Variants in IKZF2 observed in about 807,000 individuals in gnomAD.
IKZF2 encodes the protein zinc finger protein Helios.
Under a neutral mutation model 49.2 loss-of-function variants are expected in IKZF2, and 15 were observed. The ratio of observed to expected loss-of-function variants is 0.30; its 90% confidence interval spans 0.20 to 0.47. The LOEUF is 0.47. Ranked by LOEUF, IKZF2 falls within the 20% of genes least tolerant of loss-of-function variation. IKZF2 has a pLI of 1.00. For synonymous variants in IKZF2, 227 were observed against 221.4 expected (o/e 1.03, Z -0.23); for missense variants, 567 against 664.6 (o/e 0.85, Z 1.61).
In IKZF2 at chr2:213,049,807, C is replaced by T. The variant is rs1362628250; in HGVS notation, c.480G>A (p.Lys160=). The change falls in exon 6 of 9, where the codon AAG becomes AAA. Residue 160 remains lysine (K), a synonymous_variant. Transcript: ENST00000434687. ...TGAACGGCTTCTCTCCAGAGTGTAA[C>T]TTTATGTGTCTCAGAAGGTTGCCCT... The part of the protein sequence containing the change: ...TQKGNLLRHI[K]LHSGEKPFKC... 7 of 1,610,274 alleles carry T rather than the reference C, an allele frequency of 4.3e-6. No individual in the cohort carries two copies. The African/African-American group carries it at 9.4e-5, about 22-fold the overall frequency.
intron 4 of IKZF2, among the ~76,000 whole-genome samples, chr2:213,090,430 A>G (rs1205650114): frequency 6.6e-6 from 1 of 152,176 alleles, no homozygotes; most frequent in Non-Finnish European, 1.5e-5. Context: ...GACTAAACAA[A>G]CATGGTCTTT....
At chr2:213,069,091 A>G (rs1702438055) in intron 4 of IKZF2, among the ~76,000 whole-genome samples, 1 of 152,134 alleles carries the variant, frequency 6.6e-6, no homozygotes, top group Non-Finnish European at 1.5e-5. Context: ...GAACCCTGCC[A>G]TTATGTATGG....
chr2:213,094,368 A>G (rs1331734983), intron 4 of IKZF2, among the ~76,000 whole-genome samples: 1 of 152,142 alleles, frequency 6.6e-6, no homozygotes, highest in Non-Finnish European at 1.5e-5. Flanking sequence ...ATAAACTGGC[A>G]ACAGCAGAGA....
chr2:213,012,230 AT>A (rs2125042451), intron 8 of IKZF2, among the ~76,000 whole-genome samples: 1 of 151,930 alleles, frequency 6.6e-6, no homozygotes, highest in Non-Finnish European at 1.5e-5. Context: ...TTAATTAAAA[AT>A]ATAATATAAA....
Position 213,145,231 on chromosome 2 carries a change from T to C in IKZF2, c.139+2477A>G, listed in dbSNP as rs568750716. The stretch of plus-strand genomic sequence containing the variant: ...TTTAACTGTTTAAAAATAACTTTTT[T>C]CCTCCTTACACATATATTCCCATCC... On this transcript the variant is annotated intron_variant, in intron 4 of 8. Coordinates refer to ENST00000434687, the MANE Select transcript of IKZF2 (RefSeq NM_001387220.1). 7.9e-5 allele frequency among the ~76,000 whole-genome samples: 12 copies of C among 151,912 alleles called. No homozygotes were observed. The South Asian group carries it at 2.5e-3, about 32-fold the overall frequency.
chr2:213,150,653 C>G (rs939737091), intron 1 of IKZF2, among the ~76,000 whole-genome samples: 1 of 130,242 alleles, frequency 7.7e-6, no homozygotes, highest in Non-Finnish European at 1.5e-5. Flanking sequence ...CTTGATCCAC[C>G]GGTTCCTTAA....
chr2:213,009,008 A>G (rs1695651802), intron 8 of IKZF2, among the ~76,000 whole-genome samples: 1 of 152,142 alleles, frequency 6.6e-6, no homozygotes, highest in Non-Finnish European at 1.5e-5. Flanking sequence ...GAGTTATTTC[A>G]AAAAGTATTT....
intron 4 of IKZF2, among the ~76,000 whole-genome samples, chr2:213,082,622 T>C (rs776907886): frequency 3.1e-4 from 47 of 152,222 alleles, no homozygotes; most frequent in Non-Finnish European, 6.0e-4. Context: ...ATCATTCAAA[T>C]TACTCAAGGC....
At chr2:213,150,290 TC>T in intron 1 of IKZF2, 43 bp from the exon 2 acceptor site, 1 of 737,968 alleles carries the variant, frequency 1.4e-6, no homozygotes, top group Non-Finnish European at 2.1e-6. Context: ...TTTTTGTGTT[TC>T]CCCCTTCTCT....
chr2:213,046,242 C>G (rs924766036), intron 6 of IKZF2, among the ~76,000 whole-genome samples: 1 of 152,130 alleles, frequency 6.6e-6, no homozygotes, highest in African/African-American at 2.4e-5. Flanking sequence ...AAAATGTACA[C>G]AACAGCATTT....
intron 4 of IKZF2, among the ~76,000 whole-genome samples, chr2:213,124,143 T>C (rs1432486093): frequency 6.6e-6 from 1 of 152,110 alleles, no homozygotes; most frequent in East Asian, 1.9e-4. Context: ...TTGTTCTAAA[T>C]GACCTTTGGG....
chr2:213,058,531 C>T (rs1701381736), intron 4 of IKZF2, among the ~76,000 whole-genome samples: 1 of 151,282 alleles, frequency 6.6e-6, no homozygotes, highest in Non-Finnish European at 1.5e-5. Flanking sequence ...ACTTATGGTA[C>T]ATAAACTACT....
chr2:213,142,296 A>C (rs1335790776), intron 4 of IKZF2, among the ~76,000 whole-genome samples: 3 of 151,940 alleles, frequency 2.0e-5, no homozygotes, highest in African/African-American at 7.2e-5. Flanking sequence ...TAGATGCTTT[A>C]AATAACGGAG....
chr2:213,025,894 T>G (rs1697766425), intron 6 of IKZF2, among the ~76,000 whole-genome samples: 1 of 152,146 alleles, frequency 6.6e-6, no homozygotes, highest in African/African-American at 2.4e-5. Flanking sequence ...ACTCGTAAAA[T>G]GATTCTCAAG....
At chr2:213,129,467 C>T (rs888988454) in intron 4 of IKZF2, among the ~76,000 whole-genome samples, 2 of 151,242 alleles carry the variant, frequency 1.3e-5, no homozygotes, top group African/African-American at 4.9e-5. Flanking sequence ...CAGGAACGAA[C>T]TTGCCATGTC....
At chr2:213,082,747 T>A (rs1306495060) in intron 4 of IKZF2, among the ~76,000 whole-genome samples, 2 of 152,214 alleles carry the variant, frequency 1.3e-5, no homozygotes, top group African/African-American at 4.8e-5. Context: ...AAGAAACACC[T>A]GCTGCCAACT....
rs1296613313 is a variant in IKZF2 at position 213,003,433 on chromosome 2, A to G, written c.*3927T>C. 1 of 151,700 alleles carries G rather than the reference A, an allele frequency of 6.6e-6. No homozygotes were observed. The highest frequency in any genetic ancestry group is 2.4e-5 in the African/African-American group (1 of 41,388). 9.4% of individuals were successfully genotyped at this position (151,700 alleles called of 1,614,324 possible). The stretch of plus-strand genomic sequence containing the variant: ...GATAGTATTTATTAAAATAATACAT[A>G]AAATGCAACTGATGATAAACACAAA... On this transcript the variant is annotated 3_prime_UTR_variant, in exon 9 of 9. Transcript: ENST00000434687.
At chr2:213,063,397 T>C (rs1447862387) in intron 4 of IKZF2, among the ~76,000 whole-genome samples, 2 of 151,980 alleles carry the variant, frequency 1.3e-5, no homozygotes, top group African/African-American at 4.8e-5. Flanking sequence ...CCACCTCTTC[T>C]GCCATTTAAC....
chr2:213,135,368 A>G (rs1488758690), intron 4 of IKZF2, among the ~76,000 whole-genome samples: 1 of 152,204 alleles, frequency 6.6e-6, no homozygotes, highest in Non-Finnish European at 1.5e-5. Flanking sequence ...AATTCAGAGT[A>G]TATAACATTA....
Sources: gnomAD v4.1 joint callset for allele counts (sites outside exome capture counted in the v4.1 genomes callset) on GRCh38, gnomAD v4.1.1 for gene constraint, MANE v1.5 for transcripts, NCBI Gene and HGNC (gene_info 2026-07-23, HGNC 2026-07-21) for gene names.